The following FHIT variants were observed in gnomAD, a reference collection of about 807,000 sequenced individuals.
The protein encoded by FHIT is bis(5'-adenosyl)-triphosphatase.
A neutral mutation model predicts 17.9 loss-of-function variants in FHIT; 19 were observed. The observed-to-expected ratio is 1.06, with a 90% confidence interval of 0.74 to 1.56. The LOEUF (loss-of-function observed/expected upper bound fraction) is 1.56, where lower values mean the gene tolerates loss of function less well. Ranked by LOEUF, FHIT falls within the 40% of genes most tolerant of loss-of-function variation. The pLI, the probability that FHIT is intolerant of heterozygous loss-of-function variation, is 0.00. For synonymous variants in FHIT, 81 were observed against 69.7 expected (o/e 1.16, Z -0.81); for missense variants, 248 against 189.2 (o/e 1.31, Z -1.82).
intron 3 of FHIT, among the ~76,000 whole-genome samples, chr3:60,842,277 T>C (rs1553745225): frequency 6.6e-6 from 1 of 151,926 alleles, no homozygotes; most frequent in South Asian, 2.1e-4. Context: ...CCCACTGTTA[T>C]CCGAGTCTGC....
chr3:60,591,439 A>G (rs1292818936), intron 4 of FHIT, among the ~76,000 whole-genome samples: 1 of 152,072 alleles, frequency 6.6e-6, no homozygotes, highest in Non-Finnish European at 1.5e-5. Flanking sequence ...GACAGCAAGG[A>G]GCCCCAGAGC....
In FHIT at chr3:60,134,475, C is replaced by T. The variant is rs80135861; in HGVS notation, c.104-120323G>A. ...GGAATCACAGTTTCTGGGCGTGGGG[C>T]CCACAGGCCTTTACAAAACTTCATA... On this transcript the variant is annotated intron_variant, in intron 5 of 9. Coordinates refer to ENST00000492590, the MANE Select transcript of FHIT (RefSeq NM_002012.4). Among the ~76,000 whole-genome samples, 233 of 152,274 alleles carry T rather than the reference C, an allele frequency of 1.5e-3. 1 individual carries two copies. The highest frequency in any genetic ancestry group is 5.4e-3 in the African/African-American group (224 of 41,564).
At chr3:60,597,777 T>A (rs573373587) in intron 4 of FHIT, among the ~76,000 whole-genome samples, 1 of 152,300 alleles carries the variant, frequency 6.6e-6, no homozygotes, top group East Asian at 1.9e-4. Flanking sequence ...TTCTTCTTGC[T>A]TTATCTGAAA....
At chr3:60,262,115 C>T (rs1706334529) in intron 5 of FHIT, among the ~76,000 whole-genome samples, 1 of 152,010 alleles carries the variant, frequency 6.6e-6, no homozygotes, top group Non-Finnish European at 1.5e-5. Context: ...ATGTTTTTCT[C>T]CGGTTAATCT....
chr3:59,919,865 T>C lies in FHIT; in HGVS notation c.348+2481A>G, dbSNP rs542592954. ...CTGATTAAGATCATTTGGTCTAATGTACATTAAGTTCTATTCCAATAATGC... is the reference window on the plus strand; with the variant it reads ...CTGATTAAGATCATTTGGTCTAATGCACATTAAGTTCTATTCCAATAATGC... On this transcript the variant is annotated intron_variant, in intron 8 of 9. Transcript: ENST00000492590. Among the ~76,000 whole-genome samples, 3 of 152,338 alleles carry C rather than the reference T, an allele frequency of 2.0e-5. No individual in the cohort carries two copies. The South Asian group carries it at 6.2e-4, about 32-fold the overall frequency.
intron 5 of FHIT, among the ~76,000 whole-genome samples, chr3:60,376,073 T>C (rs1420281757): frequency 6.6e-6 from 1 of 152,212 alleles, no homozygotes; most frequent in Non-Finnish European, 1.5e-5. Context: ...ATTTCATTCA[T>C]ATTCTGTGTG....
chr3:59,968,514 A>G (rs1708035288), intron 7 of FHIT, among the ~76,000 whole-genome samples: 1 of 152,142 alleles, frequency 6.6e-6, no homozygotes, highest in Non-Finnish European at 1.5e-5. Flanking sequence ...CAGGAAGCCT[A>G]GTCCATCAAG....
At chr3:60,038,632 T>C (rs903806067) in intron 5 of FHIT, among the ~76,000 whole-genome samples, 1 of 152,210 alleles carries the variant, frequency 6.6e-6, no homozygotes, top group African/African-American at 2.4e-5. Context: ...GAACTATTCC[T>C]AAGGGAGAAA....
At chr3:60,129,137 C>T (rs781230534) in intron 5 of FHIT, among the ~76,000 whole-genome samples, 5 of 149,408 alleles carry the variant, frequency 3.3e-5, no homozygotes, top group Admixed American at 6.7e-5. Flanking sequence ...ACTGCAACCT[C>T]CGCCTCCCGG....
At chr3:60,265,376 A>G (rs371193199) in intron 5 of FHIT, among the ~76,000 whole-genome samples, 28 of 152,162 alleles carry the variant, frequency 1.8e-4, no homozygotes, top group East Asian at 1.2e-3. Flanking sequence ...TCTACACACA[A>G]AAGAGTGGAA....
intron 4 of FHIT, among the ~76,000 whole-genome samples, chr3:60,801,927 T>A (rs1701205182): frequency 6.6e-6 from 1 of 152,194 alleles, no homozygotes; most frequent in Non-Finnish European, 1.5e-5. Flanking sequence ...AATGATAAAT[T>A]CCTACATTGA....
chr3:60,275,405 A>G (rs1217811441), intron 5 of FHIT, among the ~76,000 whole-genome samples: 3 of 152,192 alleles, frequency 2.0e-5, no homozygotes, highest in Non-Finnish European at 4.4e-5. Flanking sequence ...AGTAATGCAG[A>G]ACAAGCCCAG....
intron 7 of FHIT, among the ~76,000 whole-genome samples, chr3:59,938,944 C>T (rs1473284518): frequency 1.3e-5 from 2 of 152,150 alleles, no homozygotes; most frequent in Non-Finnish European, 1.5e-5. Flanking sequence ...GTGCTGGGAG[C>T]ACCCAGAGAG....
chr3:60,913,011 T>C lies in FHIT; in HGVS notation c.-110-91000A>G, dbSNP rs1001875057. 4.6e-5 allele frequency among the ~76,000 whole-genome samples: 7 copies of C among 152,212 alleles called. No individual in the cohort carries two copies. In the East Asian group the frequency reaches 1.4e-3, roughly 29 times the overall value. ...GGAGGGTAGAGGGAAATAGATTTAG[T>C]ACAAAGAGCTTAGTGCAGAGCCTGT... On this transcript the variant is annotated intron_variant, in intron 3 of 9. Transcript: ENST00000492590.
intron 4 of FHIT, among the ~76,000 whole-genome samples, chr3:60,711,781 G>C (rs2041540033): frequency 6.6e-6 from 1 of 152,182 alleles, no homozygotes; most frequent in Non-Finnish European, 1.5e-5. Context: ...TATGTGAAAA[G>C]ACCAAATCTG....
intron 5 of FHIT, among the ~76,000 whole-genome samples, chr3:60,078,001 G>A (rs1457641240): frequency 1.3e-5 from 2 of 151,882 alleles, no homozygotes; most frequent in African/African-American, 4.8e-5. Flanking sequence ...TAAAAAAATG[G>A]GAGGTGGGGG....
At chr3:60,354,945 A>G (rs922641585) in intron 5 of FHIT, among the ~76,000 whole-genome samples, 1 of 152,164 alleles carries the variant, frequency 6.6e-6, no homozygotes, top group Non-Finnish European at 1.5e-5. Flanking sequence ...TTATCCTTAA[A>G]CATTTCCAGT....
At chr3:60,935,861 A>G (rs1180531780) in intron 3 of FHIT, among the ~76,000 whole-genome samples, 1 of 152,192 alleles carries the variant, frequency 6.6e-6, no homozygotes, top group Non-Finnish European at 1.5e-5. Flanking sequence ...GCACATGGAC[A>G]CACTTCTGCT....
intron 7 of FHIT, among the ~76,000 whole-genome samples, chr3:59,938,941 G>C (rs991721580): frequency 1.2e-4 from 19 of 152,104 alleles, no homozygotes; most frequent in African/African-American, 4.6e-4. Context: ...ATGGTGCTGG[G>C]AGCACCCAGA....
Sources: allele counts gnomAD v4.1 joint callset (sites outside exome capture counted in the v4.1 genomes callset), GRCh38; gene constraint gnomAD v4.1.1; transcripts MANE v1.5; gene names NCBI Gene and HGNC (gene_info 2026-07-23, HGNC 2026-07-21).